Variants in KCNIP4 observed in about 807,000 individuals in gnomAD.
KCNIP4 encodes the protein Kv channel-interacting protein 4.
A neutral mutation model predicts 34.0 loss-of-function variants in KCNIP4; 12 were observed. That is an observed-to-expected ratio of 0.35 (90% CI 0.23 to 0.57). The LOEUF is 0.57. Among genes scored for constraint, KCNIP4 ranks in the 20% least tolerant of loss-of-function variants. The pLI is 0.83. For missense variants in KCNIP4, 238 were observed against 311.7 expected (o/e 0.76, Z 1.78); for synonymous variants, 124 against 102.2 (o/e 1.21, Z -1.29).
intron 1 of KCNIP4, among the ~76,000 whole-genome samples, chr4:20,950,332 T>C (rs7677635): frequency 0.76 from 114,892 of 151,804 alleles, 43,710 homozygotes; most frequent in East Asian, 0.84. Context: ...CCTTTGCCCT[T>C]GACTTTGAGT....
chr4:21,887,235 T>C (rs1726825856), intron 1 of KCNIP4, among the ~76,000 whole-genome samples: 1 of 152,096 alleles, frequency 6.6e-6, no homozygotes, highest in Non-Finnish European at 1.5e-5. Context: ...GTATTTGTCA[T>C]AGTTCTGCAG....
chr4:20,785,641 G>A (rs1416955278), intron 3 of KCNIP4, among the ~76,000 whole-genome samples: 2 of 152,044 alleles, frequency 1.3e-5, no homozygotes, highest in Admixed American at 6.6e-5. Context: ...TTTATTTAAT[G>A]TGAATTTTGG....
chr4:21,249,575 G>A (rs1325312841), intron 1 of KCNIP4, among the ~76,000 whole-genome samples: 1 of 152,036 alleles, frequency 6.6e-6, no homozygotes, highest in Non-Finnish European at 1.5e-5. Flanking sequence ...TCAAGTGCCT[G>A]ACAGTGTCCA....
chr4:21,304,333 C>G (rs1204313216), intron 1 of KCNIP4, among the ~76,000 whole-genome samples: 1 of 152,270 alleles, frequency 6.6e-6, no homozygotes, highest in Admixed American at 6.5e-5. Context: ...CGCAGATCAC[C>G]CGAGGACCCA....
At chr4:21,128,880 G>C (rs1750834424) in intron 1 of KCNIP4, among the ~76,000 whole-genome samples, 1 of 152,126 alleles carries the variant, frequency 6.6e-6, no homozygotes. Context: ...TTAGTATTTG[G>C]AGCCAGGCGC....
At chr4:21,348,854 G>A (rs550291849) in intron 1 of KCNIP4, among the ~76,000 whole-genome samples, 61 of 152,210 alleles carry the variant, frequency 4.0e-4, no homozygotes, top group Non-Finnish European at 7.5e-4. Context: ...TGGGGAAAGA[G>A]AGTTAGCTGT....
chr4:21,329,504 T>C (rs532220344), intron 1 of KCNIP4, among the ~76,000 whole-genome samples: 2 of 152,336 alleles, frequency 1.3e-5, no homozygotes, highest in African/African-American at 4.8e-5. Context: ...TGAGGTTATT[T>C]CTTTCAAGAA....
chr4:21,569,597 G>A (rs1379016978), intron 1 of KCNIP4, among the ~76,000 whole-genome samples: 1 of 152,042 alleles, frequency 6.6e-6, no homozygotes, highest in African/African-American at 2.4e-5. Flanking sequence ...TACATTGTGG[G>A]ATCAGAAAAG....
intron 1 of KCNIP4, among the ~76,000 whole-genome samples, chr4:21,901,840 A>C (rs567626899): frequency 3.7e-4 from 57 of 152,222 alleles, no homozygotes; most frequent in African/African-American, 1.4e-3. Flanking sequence ...TGTAGGTTGA[A>C]AAATCTGGGG....
intron 3 of KCNIP4, among the ~76,000 whole-genome samples, chr4:20,837,087 A>G (rs551251511): frequency 2.6e-4 from 39 of 152,320 alleles, no homozygotes; most frequent in Admixed American, 4.6e-4. Flanking sequence ...TGTGAAAACA[A>G]TTAACAACCA....
intron 1 of KCNIP4, among the ~76,000 whole-genome samples, chr4:21,831,930 T>C (rs955413398): frequency 3.3e-5 from 5 of 151,952 alleles, no homozygotes; most frequent in South Asian, 2.1e-4. Flanking sequence ...CCAAATTCAA[T>C]GGCACATTAA....
chr4:21,308,247 G>A (rs1407319416), intron 1 of KCNIP4, among the ~76,000 whole-genome samples: 1 of 152,164 alleles, frequency 6.6e-6, no homozygotes, highest in Non-Finnish European at 1.5e-5. Flanking sequence ...CTAAGCTTTG[G>A]TTTGCTGGTC....
At chr4:21,129,254 C>T (rs973836018) in intron 1 of KCNIP4, among the ~76,000 whole-genome samples, 1 of 152,220 alleles carries the variant, frequency 6.6e-6, no homozygotes, top group African/African-American at 2.4e-5. Flanking sequence ...CCACGTAGAA[C>T]TGTGAGTCAA....
intron 5 of KCNIP4, among the ~76,000 whole-genome samples, chr4:20,737,848 C>A (rs2149287963): frequency 6.6e-6 from 1 of 152,340 alleles, no homozygotes; most frequent in East Asian, 1.9e-4. Context: ...GCACAACCAG[C>A]AGGCTGGGGA....
In KCNIP4 at chr4:21,361,975, T is replaced by G. The variant is rs114999123; in HGVS notation, c.62-479266A>C. 8.1e-3 allele frequency among the ~76,000 whole-genome samples: 1,237 copies of G among 152,062 alleles called. 17 individuals carry two copies. Among genetic ancestry groups the G allele is most frequent in the African/African-American group, 0.028 (1,178 of 41,470 alleles). ...CCCGTCACACCGTCAGAGAATAAAC[T>G]CACTTAGCAAAACCCCAAAGAAGTG... On this transcript the variant is annotated intron_variant, in intron 1 of 8. Transcript: ENST00000382152.
intron 1 of KCNIP4, among the ~76,000 whole-genome samples, chr4:20,958,859 G>A (rs1230282411): frequency 6.6e-6 from 1 of 152,214 alleles, no homozygotes; most frequent in Non-Finnish European, 1.5e-5. Context: ...AGCAGTGGCA[G>A]ACACCTTCTT....
intron 1 of KCNIP4, among the ~76,000 whole-genome samples, chr4:21,439,119 G>A (rs7696142): frequency 0.01 from 1,512 of 145,476 alleles, 27 homozygotes; most frequent in African/African-American, 0.036. Context: ...CCGACATCGC[G>A]CCACTGCACT....
intron 2 of KCNIP4, among the ~76,000 whole-genome samples, chr4:20,881,157 G>A (rs1372826253): frequency 6.6e-6 from 1 of 152,094 alleles, no homozygotes; most frequent in Non-Finnish European, 1.5e-5. Flanking sequence ...GAATGAATAA[G>A]CAAATTAATT....
intron 1 of KCNIP4, among the ~76,000 whole-genome samples, chr4:21,428,165 G>A (rs1259819619): frequency 6.6e-6 from 1 of 152,078 alleles, no homozygotes; most frequent in Admixed American, 6.6e-5. Context: ...CAAATGGATG[G>A]TAAAACAAAA....
Sources: gnomAD v4.1 joint callset for allele counts (sites outside exome capture counted in the v4.1 genomes callset) on GRCh38, gnomAD v4.1.1 for gene constraint, MANE v1.5 for transcripts, NCBI Gene and HGNC (gene_info 2026-07-23, HGNC 2026-07-21) for gene names.